Variants in CASK observed in about 807,000 individuals in gnomAD.
CASK encodes the protein peripheral plasma membrane protein CASK.
Under a neutral mutation model 82.9 loss-of-function variants are expected in CASK, and 4 were observed. The observed-to-expected ratio is 0.05, with a 90% confidence interval of 0.02 to 0.11. CASK has a LOEUF of 0.11. CASK is among the 10% of genes least tolerant of loss of function. The pLI is 1.00. For synonymous variants in CASK, 259 were observed against 253.5 expected (o/e 1.02, Z -0.20); for missense variants, 358 against 720.9 (o/e 0.50, Z 5.76).
intron 6 of CASK, among the ~76,000 whole-genome samples, chrX:41,670,852 GT>G (rs1279821450): frequency 8.9e-6 from 1 of 111,806 alleles, no homozygotes; most frequent in Non-Finnish European, 1.9e-5. Flanking sequence ...AAGGAATTGA[GT>G]TATATGAAAT....
chrX:41,645,164 C>T (rs1366029719), intron 8 of CASK, among the ~76,000 whole-genome samples: 19 of 111,158 alleles, frequency 1.7e-4, no homozygotes, highest in Admixed American at 1.3e-3. Context: ...TACTAGAATC[C>T]CTTACAATCG....
chrX:41,595,890 C>T (rs2065813623), intron 12 of CASK, among the ~76,000 whole-genome samples: 1 of 111,714 alleles, frequency 9.0e-6, no homozygotes, highest in Middle Eastern at 4.6e-3. Context: ...TTATAGGCTG[C>T]AGGGAAAAAT....
intron 1 of CASK, among the ~76,000 whole-genome samples, chrX:41,876,629 A>G (rs961143209): frequency 5.4e-5 from 6 of 111,986 alleles, no homozygotes; most frequent in African/African-American, 1.6e-4. Flanking sequence ...TGAGAAAAAT[A>G]CTGTATATGT....
At chrX:41,628,732 C>G (rs752106327) in intron 9 of CASK, among the ~76,000 whole-genome samples, 2 of 112,191 alleles carry the variant, frequency 1.8e-5, no homozygotes, top group African/African-American at 6.5e-5. Flanking sequence ...TCTAAAGTTA[C>G]GCATGAAAGG....
chrX:41,815,972 C>A (rs959991963), intron 2 of CASK, among the ~76,000 whole-genome samples: 2 of 111,018 alleles, frequency 1.8e-5, no homozygotes, highest in Non-Finnish European at 3.8e-5. Context: ...ATGATCCTCC[C>A]ACCTCAACTT....
intron 5 of CASK, among the ~76,000 whole-genome samples, chrX:41,716,845 T>G (rs191458255): frequency 1.1e-4 from 12 of 111,876 alleles, no homozygotes; most frequent in African/African-American, 3.2e-4. Context: ...CCTTACTCTA[T>G]CTGAATGTCA....
At chrX:41,831,833 C>T (rs1438567220) in intron 2 of CASK, among the ~76,000 whole-genome samples, 1 of 110,459 alleles carries the variant, frequency 9.1e-6, no homozygotes, top group African/African-American at 3.3e-5. Flanking sequence ...TTGTGGTGCA[C>T]GCCTGTAATC....
intron 1 of CASK, among the ~76,000 whole-genome samples, chrX:41,889,887 A>T (rs1329550888): frequency 8.9e-6 from 1 of 111,773 alleles, no homozygotes; most frequent in Admixed American, 9.5e-5. Context: ...GATCATAAAT[A>T]ATTTCCCAGT....
intron 8 of CASK, among the ~76,000 whole-genome samples, chrX:41,651,557 A>AT (rs1252351029): frequency 9.0e-6 from 1 of 110,989 alleles, no homozygotes; most frequent in Non-Finnish European, 1.9e-5. Flanking sequence ...CGCTTGGCTA[A>AT]TTTTTTAATT....
intron 4 of CASK, among the ~76,000 whole-genome samples, chrX:41,744,347 C>CTTTTTT: frequency 1.0e-5 from 1 of 98,517 alleles, no homozygotes; most frequent in Admixed American, 1.1e-4. Context: ...ATATTTACTT[C>CTTTTTT]TTTTTTTTTT....
intron 2 of CASK, among the ~76,000 whole-genome samples, chrX:41,835,139 T>C (rs772760979): frequency 2.7e-5 from 3 of 112,830 alleles, no homozygotes; most frequent in East Asian, 5.5e-4. Context: ...GCTATTTGTA[T>C]AGAAAAAGAG....
chrX:41,670,932 G>A (rs2067188982), intron 6 of CASK, among the ~76,000 whole-genome samples: 1 of 111,889 alleles, frequency 8.9e-6, no homozygotes, highest in African/African-American at 3.2e-5. Flanking sequence ...TAAAAATTAT[G>A]TTTTGCTTTG....
chrX:41,713,060 C>T (rs950057802), intron 5 of CASK, among the ~76,000 whole-genome samples: 7 of 111,811 alleles, frequency 6.3e-5, no homozygotes, highest in South Asian at 3.7e-4. Flanking sequence ...GCTGGTTCTG[C>T]GTGAATTACT....
intron 1 of CASK, among the ~76,000 whole-genome samples, chrX:41,863,068 TTATAA>T (rs2071523774): frequency 8.9e-6 from 1 of 112,181 alleles, no homozygotes. Context: ...CAACTGTCAT[TTATAA>T]TATAACATGT....
At chrX:41,633,621 AGTATT>A (rs2066511006) in intron 9 of CASK, among the ~76,000 whole-genome samples, 1 of 108,089 alleles carries the variant, frequency 9.3e-6, no homozygotes, top group Non-Finnish European at 1.9e-5. Flanking sequence ...TTTTTAATGA[AGTATT>A]ACAATTCCAG....
intron 5 of CASK, chrX:41,729,786 A>ATG (rs1439548760): frequency 6.7e-4 from 52 of 77,193 alleles, no homozygotes; most frequent in Non-Finnish European, 9.7e-4. Context: ...AAAAAAATAT[A>ATG]TATATATATA....
chrX:41,744,439 G>A (rs1394497356), intron 4 of CASK, among the ~76,000 whole-genome samples: 4 of 108,221 alleles, frequency 3.7e-5, no homozygotes, highest in East Asian at 2.9e-4. Flanking sequence ...TCCGCCTCCC[G>A]GGTTCATGCC....
At chrX:41,704,545 T>C (rs1396645491) in intron 5 of CASK, among the ~76,000 whole-genome samples, 3 of 111,824 alleles carry the variant, frequency 2.7e-5, no homozygotes, top group East Asian at 2.8e-4. Context: ...GGCTGTTCAC[T>C]AGGAGATGAG....
At chrX:41,807,219 AAAC>A (rs745347279) in intron 2 of CASK, among the ~76,000 whole-genome samples, 9 of 110,789 alleles carry the variant, frequency 8.1e-5, no homozygotes, top group East Asian at 2.8e-4. Flanking sequence ...TATCATTCTC[AAAC>A]AACAACAACA....
Sources: allele counts gnomAD v4.1 joint callset (sites outside exome capture counted in the v4.1 genomes callset), GRCh38; gene constraint gnomAD v4.1.1; transcripts MANE v1.5; gene names NCBI Gene and HGNC (gene_info 2026-07-23, HGNC 2026-07-21).